The following PTPRB variants were observed in gnomAD, a reference collection of about 807,000 sequenced individuals.
PTPRB encodes receptor-type tyrosine-protein phosphatase beta.
In PTPRB, 97 loss-of-function variants were observed where a neutral mutation model predicts 238.1. The observed-to-expected ratio is 0.41, with a 90% CI of 0.35 to 0.48. The LOEUF is 0.48. Among genes scored for constraint, PTPRB ranks in the 20% least tolerant of loss-of-function variants. The pLI is 0.30. For synonymous variants in PTPRB, 970 were observed against 995.4 expected (o/e 0.97, Z 0.48); for missense variants, 2,292 against 2,681.9 (o/e 0.85, Z 3.21).
At chr12:70,564,864 T>C (rs188433500) in intron 15 of PTPRB, among the ~76,000 whole-genome samples, 7,395 of 100,380 alleles carry the variant, frequency 0.074, 255 homozygotes, top group South Asian at 0.14. Flanking sequence ...ATAATAATAA[T>C]AATAATAATA....
chr12:70,548,059 G>A (rs1356822442), intron 21 of PTPRB, among the ~76,000 whole-genome samples: 1 of 152,076 alleles, frequency 6.6e-6, no homozygotes, highest in East Asian at 1.9e-4. Flanking sequence ...GGGCACAGTG[G>A]CTCATGCCTG....
chr12:70,633,610 C>A (rs1482835139), intron 2 of PTPRB, among the ~76,000 whole-genome samples: 1 of 152,114 alleles, frequency 6.6e-6, no homozygotes, highest in African/African-American at 2.4e-5. Context: ...CACAATTGTG[C>A]AAATTTTAAC....
At chr12:70,546,115 T>G in intron 21 of PTPRB, among the ~76,000 whole-genome samples, 1 of 139,478 alleles carries the variant, frequency 7.2e-6, no homozygotes, top group African/African-American at 2.7e-5. Context: ...CCAGCCTGGG[T>G]GACAAAGCAG....
intron 20 of PTPRB, 38 bp from the exon 21 acceptor site, chr12:70,553,058 T>G (rs371930309): frequency 1.3e-6 from 2 of 1,591,382 alleles, no homozygotes; most frequent in Non-Finnish European, 8.6e-7. Flanking sequence ...CTGCCTTTCT[T>G]GTGACTTAGG....
At position 70,520,902 on chromosome 12, in the gene PTPRB, C is replaced by G. The variant is rs191745793; in HGVS notation, c.*587G>C. 10 of 152,488 alleles carry G rather than the reference C, an allele frequency of 6.6e-5. No homozygotes were observed. The highest frequency in any genetic ancestry group is 5.2e-4 in the Admixed American group (8 of 15,290). The allele number at this position is 152,488 out of a possible 1,614,324, so 9.4% of individuals were successfully genotyped here. A position where few individuals can be genotyped will look rare whatever the true frequency, so the allele number is the denominator to read the frequency against. ...GAAAGGAGAGAGAGAGCAACTAGTTCAGACACAAGCATCTAGTTCAGCTTT... is the reference window on the plus strand; with the variant it reads ...GAAAGGAGAGAGAGAGCAACTAGTTGAGACACAAGCATCTAGTTCAGCTTT... On this transcript the variant is annotated 3_prime_UTR_variant, in exon 34 of 34. Transcript: ENST00000334414.
rs771498842 is a variant in PTPRB, at chr12:70,581,215, A to G, written c.2399T>C (p.Val800Ala). 4 of 1,613,998 alleles carry G rather than the reference A, an allele frequency of 2.5e-6. No homozygotes were observed. The East Asian group carries it at 8.9e-5, about 36-fold the overall frequency. ...FTNWTQAQGD[V>A]EFYQVLLIHE... is the part of the protein sequence containing the mutation. ...GATCAGTAAGACTTGGTAAAATTCT[A>G]CGTCTCCTTGTGCCTGGGTCCAGTT... Residue 800 changes from valine (V) to alanine (A), a missense_variant, in exon 10 of 34, where the codon GTA (valine) becomes GCA (alanine). Val to Ala is a moderately conservative substitution (Grantham distance 64, BLOSUM62 0). Around this residue, in one of 4 missense-constraint regions of PTPRB, gnomAD observed 1,205 missense variants for 1,287.8 expected, o/e 0.94. Coordinates refer to ENST00000334414, the MANE Select transcript of PTPRB (RefSeq NM_001109754.4).
chr12:70,622,195 T>C (rs1714890823), intron 3 of PTPRB, among the ~76,000 whole-genome samples, 195 bp downstream of exon 3: 1 of 152,190 alleles, frequency 6.6e-6, no homozygotes, highest in African/African-American at 2.4e-5. Flanking sequence ...CTCATAAAGA[T>C]ATAGAAATTT....
At chr12:70,572,140 T>G in intron 11 of PTPRB, 53 bp from the exon 12 acceptor site, 1 of 1,455,046 alleles carries the variant, frequency 6.9e-7, no homozygotes, top group Admixed American at 1.9e-5. Context: ...AGTGAGTAAT[T>G]GATCACAGAT....
chr12:70,574,828 G>T, intron 11 of PTPRB, among the ~76,000 whole-genome samples: 1 of 152,198 alleles, frequency 6.6e-6, no homozygotes, highest in Admixed American at 6.5e-5. Context: ...AAGGAGTCAA[G>T]AGGATGCACT....
intron 4 of PTPRB, among the ~76,000 whole-genome samples, chr12:70,604,744 C>A (rs1023407506): frequency 6.6e-6 from 1 of 152,054 alleles, no homozygotes; most frequent in Non-Finnish European, 1.5e-5. Context: ...TAGAGCGGGC[C>A]CTAAGCCAAT....
chr12:70,590,347 T>C, intron 7 of PTPRB, 114 bp from the exon 8 acceptor site: 2 of 1,080,808 alleles, frequency 1.9e-6, no homozygotes, highest in South Asian at 1.9e-5. Context: ...GTTCAAAACA[T>C]TTCTATCCCC....
At chr12:70,578,710 A>G (rs1881052902) in intron 10 of PTPRB, among the ~76,000 whole-genome samples, 1 of 152,232 alleles carries the variant, frequency 6.6e-6, no homozygotes, top group Non-Finnish European at 1.5e-5. Context: ...TTCAAGAGAT[A>G]GCACAGACTA....
At chr12:70,556,629 T>G (rs1188665100) in intron 18 of PTPRB, among the ~76,000 whole-genome samples, 6 of 152,040 alleles carry the variant, frequency 3.9e-5, no homozygotes, top group Admixed American at 3.9e-4. Context: ...TTCCCACAAA[T>G]AAATGTTAGA....
intron 32 of PTPRB, among the ~76,000 whole-genome samples, chr12:70,524,837 A>ATG (rs967953789): frequency 6.9e-6 from 1 of 144,728 alleles, no homozygotes; most frequent in African/African-American, 2.6e-5. Flanking sequence ...GTGTGCATAT[A>ATG]TGTGTGTATA....
Position 70,518,432 on chromosome 12 carries a change from A to G in PTPRB, c.*3057T>C, listed in dbSNP as rs1871356672. 1 of 152,226 alleles carries G rather than the reference A, an allele frequency of 6.6e-6. No individual in the cohort carries two copies. The highest frequency in any genetic ancestry group is 1.5e-5 in the Non-Finnish European group (1 of 68,066). The allele number at this position is 152,226 out of a possible 1,614,324, so 9.4% of individuals were successfully genotyped here. ...GCAACAGAGCAAGACTTCATTTCAA[A>G]AAAAAGTGAAATTATGGTCATCTCT... On this transcript the variant is annotated 3_prime_UTR_variant, in exon 34 of 34. Coordinates refer to ENST00000334414, the MANE Select transcript of PTPRB (RefSeq NM_001109754.4).
intron 16 of PTPRB, 113 bp downstream of exon 16, chr12:70,562,731 C>A: frequency 7.7e-7 from 1 of 1,304,730 alleles, no homozygotes; most frequent in Non-Finnish European, 1.1e-6. Flanking sequence ...TCACAAATGC[C>A]ATATAAAGCT....
chr12:70,532,638 TCCTCCCTC>T (rs1873460603), intron 31 of PTPRB, among the ~76,000 whole-genome samples: 1 of 151,936 alleles, frequency 6.6e-6, no homozygotes, highest in South Asian at 2.1e-4. Flanking sequence ...TCTCCTTCCT[TCCTCCCTC>T]CCTCTTTCCG....
chr12:70,601,519 T>C (rs11178319), intron 4 of PTPRB, among the ~76,000 whole-genome samples: 30,789 of 152,058 alleles, frequency 0.2, 3,354 homozygotes, highest in East Asian at 0.28. Flanking sequence ...GAAATTGGGA[T>C]ACCAATCTAG....
chr12:70,560,171 C>A lies in PTPRB; in HGVS notation c.4432+500G>T, dbSNP rs1001685326. ...TTTTCTTAAATATTCATAGCCAGAT[C>A]TTCCTTACCATGGTGCTGTGGAGCA... On this transcript the variant is annotated intron_variant, in intron 17 of 33. Coordinates refer to ENST00000334414, the MANE Select transcript of PTPRB (RefSeq NM_001109754.4). The surrounding 1 kb of genome is among the most constrained non-coding windows in gnomAD (Gnocchi z 4.2). 6.6e-6 allele frequency among the ~76,000 whole-genome samples: 1 copy of A among 152,174 alleles called. No individual in the cohort carries two copies. Among genetic ancestry groups the A allele is most frequent in the Non-Finnish European group, 1.5e-5 (1 of 68,032 alleles).
Sources: allele counts gnomAD v4.1 joint callset (sites outside exome capture counted in the v4.1 genomes callset), GRCh38; gene constraint gnomAD v4.1.1; regional missense constraint gnomAD v4.1.1; non-coding constraint Gnocchi (gnomAD v3.1); transcripts MANE v1.5; gene names NCBI Gene and HGNC (gene_info 2026-07-23, HGNC 2026-07-21).